Variants in TBC1D22A observed in about 807,000 individuals in gnomAD.
The protein encoded by TBC1D22A is TBC1 domain family member 22A.
TBC1D22A carries 38 observed loss-of-function variants against 60.2 expected under a neutral mutation model. The ratio of observed to expected loss-of-function variants is 0.63; its 90% CI spans 0.49 to 0.83. The LOEUF is 0.83. Ranked by LOEUF, TBC1D22A falls within the 40% of genes least tolerant of loss-of-function variation. The pLI, the probability that TBC1D22A is intolerant of heterozygous loss-of-function variation, is 0.00. For synonymous variants in TBC1D22A, 302 were observed against 281.7 expected, an observed-to-expected ratio of 1.07 and a Z score of -0.72; for missense variants, 628 against 701.0, an observed-to-expected ratio of 0.90 and a Z score of 1.18.
intron 12 of TBC1D22A, among the ~76,000 whole-genome samples, chr22:47,160,366 C>A (rs1055243138): frequency 6.6e-6 from 1 of 152,238 alleles, no homozygotes; most frequent in Admixed American, 6.5e-5. Context: ...TCTGCCGTCC[C>A]CCTGGAATCA....
chr22:46,764,448 C>CT (rs953629767), intron 1 of TBC1D22A, among the ~76,000 whole-genome samples: 7 of 152,220 alleles, frequency 4.6e-5, no homozygotes, highest in African/African-American at 1.7e-4. Context: ...AGTCTAAACT[C>CT]TAATTCTTAA....
At chr22:46,893,030 C>T (rs2068484173) in intron 6 of TBC1D22A, among the ~76,000 whole-genome samples, 1 of 152,216 alleles carries the variant, frequency 6.6e-6, no homozygotes, top group African/African-American at 2.4e-5. Flanking sequence ...CTTGGTTTCT[C>T]CTTTACATCC....
intron 12 of TBC1D22A, among the ~76,000 whole-genome samples, chr22:47,131,918 C>G (rs949505060): frequency 2.0e-5 from 3 of 152,214 alleles, no homozygotes; most frequent in Admixed American, 1.3e-4. Context: ...TGGAGCCACT[C>G]GAGTTCGTGG....
At chr22:47,106,123 A>G (rs1215653939) in intron 11 of TBC1D22A, among the ~76,000 whole-genome samples, 2 of 152,220 alleles carry the variant, frequency 1.3e-5, no homozygotes, top group Middle Eastern at 3.2e-3. Flanking sequence ...TGAGGAAAGT[A>G]CTTGTCCCAG....
chr22:47,014,279 T>C (rs1022897283), intron 10 of TBC1D22A, among the ~76,000 whole-genome samples: 1 of 152,288 alleles, frequency 6.6e-6, no homozygotes, highest in East Asian at 1.9e-4. Flanking sequence ...TCTCCCCTCC[T>C]TGTGTGCATT....
intron 12 of TBC1D22A, among the ~76,000 whole-genome samples, chr22:47,149,831 G>T (rs907990023): frequency 6.6e-6 from 1 of 152,170 alleles, no homozygotes; most frequent in African/African-American, 2.4e-5. Flanking sequence ...TTGTGGACTG[G>T]GGTGATTGTC....
chr22:46,927,644 C>G, intron 8 of TBC1D22A, among the ~76,000 whole-genome samples: 1 of 152,170 alleles, frequency 6.6e-6, no homozygotes, highest in South Asian at 2.1e-4. Flanking sequence ...AAAAATAAAA[C>G]TACCTCTATT....
At chr22:47,063,068 G>A (rs1243497582) in intron 11 of TBC1D22A, among the ~76,000 whole-genome samples, 1 of 152,168 alleles carries the variant, frequency 6.6e-6, no homozygotes, top group Non-Finnish European at 1.5e-5. Context: ...GGAGAAACAG[G>A]ATGGGCAGTT....
At chr22:47,154,094 C>T (rs556031456) in intron 12 of TBC1D22A, among the ~76,000 whole-genome samples, 103 of 152,102 alleles carry the variant, frequency 6.8e-4, no homozygotes, top group Non-Finnish European at 1.2e-3. Flanking sequence ...GCGTGGCTGG[C>T]GGGAGCAGGG....
intron 9 of TBC1D22A, 47 bp downstream of exon 9, chr22:46,974,446 C>T (rs1190170849): frequency 6.0e-6 from 9 of 1,510,714 alleles, no homozygotes; most frequent in Middle Eastern, 1.9e-4. Context: ...ACAGCCCCTG[C>T]GGTGAAGAGA....
intron 11 of TBC1D22A, among the ~76,000 whole-genome samples, chr22:47,080,244 T>A (rs187808300): frequency 9.9e-4 from 151 of 152,302 alleles, no homozygotes; most frequent in African/African-American, 3.4e-3. Context: ...TATATTTGAT[T>A]TAAATAAAAT....
At chr22:46,779,840 G>A (rs1235463323) in intron 1 of TBC1D22A, among the ~76,000 whole-genome samples, 1 of 152,226 alleles carries the variant, frequency 6.6e-6, no homozygotes, top group Admixed American at 6.5e-5. Context: ...GCAGGACAGC[G>A]TATGTGTTGC....
chr22:47,115,343 G>A (rs2065999904), intron 12 of TBC1D22A, among the ~76,000 whole-genome samples: 1 of 151,158 alleles, frequency 6.6e-6, no homozygotes. Context: ...GTTTCCTAAT[G>A]CCCCCCACCA....
chr22:47,021,190 C>T (rs1247269779), intron 10 of TBC1D22A, among the ~76,000 whole-genome samples: 1 of 150,918 alleles, frequency 6.6e-6, no homozygotes, highest in African/African-American at 2.5e-5. Context: ...CAGAACTCCA[C>T]CTGTAGCCTG....
chr22:47,004,845 TACTGTACATACAC>T (rs1236474803), intron 10 of TBC1D22A, among the ~76,000 whole-genome samples: 2 of 149,738 alleles, frequency 1.3e-5, no homozygotes, highest in Non-Finnish European at 3.0e-5. Flanking sequence ...ACACCCACAC[TACTGTACATACAC>T]ACACCCCTGT....
intron 9 of TBC1D22A, among the ~76,000 whole-genome samples, chr22:46,992,426 G>C (rs136139): frequency 0.31 from 47,518 of 152,236 alleles, 7,511 homozygotes; most frequent in African/African-American, 0.33. Flanking sequence ...CCCAGGAGGA[G>C]AGCAGGTGCC....
At chr22:46,894,643 C>T (rs2068574947) in intron 6 of TBC1D22A, 141 bp from the exon 7 acceptor site, 1 of 968,462 alleles carries the variant, frequency 1.0e-6, no homozygotes, top group Non-Finnish European at 1.6e-6. Flanking sequence ...AAGGTGGTAA[C>T]ATGGAGAACG....
At chr22:47,101,130 AAG>A (rs1185512066) in intron 11 of TBC1D22A, among the ~76,000 whole-genome samples, 2 of 152,190 alleles carry the variant, frequency 1.3e-5, no homozygotes, top group East Asian at 3.8e-4. Flanking sequence ...ATTAGCGATT[AAG>A]AGAGGGGAAT....
At chr22:47,029,406 T>G (rs897628636) in intron 10 of TBC1D22A, among the ~76,000 whole-genome samples, 1 of 152,190 alleles carries the variant, frequency 6.6e-6, no homozygotes, top group Non-Finnish European at 1.5e-5. Context: ...CCCTCAGAGC[T>G]TGGTGACCGG....
Sources: gnomAD v4.1 joint callset for allele counts (sites outside exome capture counted in the v4.1 genomes callset) on GRCh38, gnomAD v4.1.1 for gene constraint, MANE v1.5 for transcripts, NCBI Gene and HGNC (gene_info 2026-07-23, HGNC 2026-07-21) for gene names.